VOPP1: variants seen among roughly 807,000 people sequenced by gnomAD.
VOPP1 encodes the protein WW domain binding protein VOPP1.
In VOPP1, 8 loss-of-function variants were observed where a neutral mutation model predicts 23.5. The observed-to-expected ratio is 0.34, with a 90% CI of 0.20 to 0.61. VOPP1 has a LOEUF of 0.61. VOPP1 is among the 20% of genes least tolerant of loss of function. The pLI is 0.78. For missense variants in VOPP1, 174 were observed against 238.1 expected (o/e 0.73, Z 1.77); for synonymous variants, 83 against 97.3 (o/e 0.85, Z 0.86).
At chr7:55,506,157 T>C (rs1794709817) in intron 2 of VOPP1, among the ~76,000 whole-genome samples, 1 of 152,198 alleles carries the variant, frequency 6.6e-6, no homozygotes, top group South Asian at 2.1e-4. Flanking sequence ...CCTGGTGGGC[T>C]GTTTGTCTCT....
At chr7:55,436,618 G>C (rs1372627051) in intron 4 of VOPP1, among the ~76,000 whole-genome samples, 1 of 145,526 alleles carries the variant, frequency 6.9e-6, no homozygotes, top group Non-Finnish European at 1.5e-5. Context: ...GTGTGCATGA[G>C]TGTGTGTGTG....
chr7:55,548,487 T>C (rs981347977), intron 1 of VOPP1, among the ~76,000 whole-genome samples: 1 of 152,232 alleles, frequency 6.6e-6, no homozygotes, highest in Non-Finnish European at 1.5e-5. Flanking sequence ...GGGATGCATA[T>C]CTGTCCTCAC....
At chr7:55,545,611 T>C (rs1339614685) in intron 1 of VOPP1, among the ~76,000 whole-genome samples, 1 of 152,098 alleles carries the variant, frequency 6.6e-6, no homozygotes, top group Non-Finnish European at 1.5e-5. Context: ...GTGACTGCAG[T>C]TGGAATCACA....
chr7:55,504,756 C>T (rs1284097173), intron 2 of VOPP1, among the ~76,000 whole-genome samples: 1 of 152,254 alleles, frequency 6.6e-6, no homozygotes, highest in Non-Finnish European at 1.5e-5. Flanking sequence ...TTTCCCAAGC[C>T]TTCTCTTCTC....
intron 4 of VOPP1, among the ~76,000 whole-genome samples, chr7:55,440,967 C>A (rs568322136): frequency 6.6e-6 from 1 of 152,196 alleles, no homozygotes; most frequent in African/African-American, 2.4e-5. Flanking sequence ...GGAACACACC[C>A]GGATGACTCT....
intron 1 of VOPP1, among the ~76,000 whole-genome samples, chr7:55,553,288 T>C (rs1797687063): frequency 6.6e-6 from 1 of 152,214 alleles, no homozygotes; most frequent in Non-Finnish European, 1.5e-5. Context: ...CAGGATTTTA[T>C]TGGGGAGAAA....
chr7:55,558,887 T>C (rs1359552801), intron 1 of VOPP1, among the ~76,000 whole-genome samples: 1 of 152,062 alleles, frequency 6.6e-6, no homozygotes, highest in Non-Finnish European at 1.5e-5. Flanking sequence ...TAACGCAGAG[T>C]TGCTAAAAAC....
chr7:55,445,086 A>G (rs924921701), intron 4 of VOPP1, among the ~76,000 whole-genome samples: 6 of 152,160 alleles, frequency 3.9e-5, no homozygotes, highest in African/African-American at 1.2e-4. Flanking sequence ...TACATTTTCT[A>G]TTTTCTCTCT....
chr7:55,536,811 G>A (rs1175417288), intron 1 of VOPP1, among the ~76,000 whole-genome samples: 1 of 152,102 alleles, frequency 6.6e-6, no homozygotes, highest in Admixed American at 6.5e-5. Context: ...TCTGCCACAC[G>A]GAAGGGCGCA....
intron 1 of VOPP1, among the ~76,000 whole-genome samples, chr7:55,558,822 G>C (rs1433392033): frequency 6.6e-6 from 1 of 152,136 alleles, no homozygotes; most frequent in Non-Finnish European, 1.5e-5. Flanking sequence ...ATTATCATTA[G>C]TAAAGCTGAC....
chr7:55,435,288 T>TG (rs1790796098), downstream of VOPP1, among the ~76,000 whole-genome samples: 1 of 152,110 alleles, frequency 6.6e-6, no homozygotes, highest in African/African-American at 2.4e-5. Context: ...CCGAAAAAGG[T>TG]GAAGTTTCAG....
At chr7:55,497,742 A>G in intron 2 of VOPP1, 52 bp from the exon 3 acceptor site, 2 of 1,539,250 alleles carry the variant, frequency 1.3e-6, no homozygotes, top group South Asian at 2.2e-5. Flanking sequence ...CAGCCACCGG[A>G]CCAGCCATGC....
chr7:55,498,435 G>GGCCCTTAC (rs796666890), intron 2 of VOPP1, among the ~76,000 whole-genome samples: 1 of 152,044 alleles, frequency 6.6e-6, no homozygotes, highest in African/African-American at 2.4e-5. Flanking sequence ...CCTGAGCATG[G>GGCCCTTAC]GCAGGTGAGG....
At position 55,458,645 on chromosome 7, in the gene VOPP1, T is replaced by C. The variant is rs117553674; in HGVS notation, n.418-22471A>G. Reference sequence around the variant, plus strand: ...TTTTGGTTAGATCCGAGGTATTTTATCTTTTAATTATTGTAAATGGGATTG... The same window carrying C: ...TTTTGGTTAGATCCGAGGTATTTTACCTTTTAATTATTGTAAATGGGATTG... On this transcript the variant is annotated intron_variant and non_coding_transcript_variant, in intron 4 of 4. Transcript: ENST00000462326. Among the ~76,000 whole-genome samples, 297 of 152,278 alleles carry C rather than the reference T, an allele frequency of 2.0e-3. 1 individual carries two copies. The highest frequency in any genetic ancestry group is 3.2e-3 in the Non-Finnish European group (216 of 68,008).
intron 2 of VOPP1, among the ~76,000 whole-genome samples, chr7:55,503,572 G>C (rs1449510588): frequency 6.6e-6 from 1 of 152,216 alleles, no homozygotes; most frequent in Non-Finnish European, 1.5e-5. Context: ...GCTATGGATG[G>C]AAAGTGTCTC....
At chr7:55,507,909 G>C (rs563921276) in intron 2 of VOPP1, among the ~76,000 whole-genome samples, 17 of 152,296 alleles carry the variant, frequency 1.1e-4, no homozygotes, top group Non-Finnish European at 1.5e-5. Flanking sequence ...AGCCCGAGAC[G>C]TTGAGGGTGG....
chr7:55,468,597 C>T (rs1791695134), downstream of VOPP1, among the ~76,000 whole-genome samples: 1 of 152,246 alleles, frequency 6.6e-6, no homozygotes, highest in African/African-American at 2.4e-5. Context: ...GACTGGATTG[C>T]AACTATGGGA....
chr7:55,555,208 T>C (rs556938713), intron 1 of VOPP1, among the ~76,000 whole-genome samples: 3 of 152,234 alleles, frequency 2.0e-5, no homozygotes, highest in South Asian at 4.1e-4. Flanking sequence ...AAGCAAAGCA[T>C]AGGACAGGGA....
At chr7:55,549,340 C>G (rs1158421950) in intron 1 of VOPP1, among the ~76,000 whole-genome samples, 1 of 152,192 alleles carries the variant, frequency 6.6e-6, no homozygotes, top group Non-Finnish European at 1.5e-5. Context: ...ATCAGGCATA[C>G]AGACTCCCTT....
Sources: allele counts gnomAD v4.1 joint callset (sites outside exome capture counted in the v4.1 genomes callset), GRCh38; gene constraint gnomAD v4.1.1; transcripts MANE v1.5; gene names NCBI Gene and HGNC (gene_info 2026-07-23, HGNC 2026-07-21).